The following LPP variants were observed in gnomAD, a reference collection of about 807,000 sequenced individuals.
LPP encodes the protein LIM domain containing preferred translocation partner in lipoma, also known as lipoma-preferred partner.
A neutral mutation model predicts 60.4 loss-of-function variants in LPP; 38 were observed. The observed-to-expected ratio is 0.63, with a 90% CI of 0.49 to 0.83. LPP has a LOEUF of 0.83. LPP is among the 40% of genes least tolerant of loss of function. The pLI is 0.00. For synonymous variants in LPP, 328 were observed against 290.8 expected (o/e 1.13, Z -1.30); for missense variants, 902 against 783.6 (o/e 1.15, Z -1.80).
intron 2 of LPP, among the ~76,000 whole-genome samples, chr3:188,326,224 G>A (rs748217942): frequency 1.3e-5 from 2 of 152,176 alleles, no homozygotes; most frequent in African/African-American, 2.4e-5. Flanking sequence ...TTCTTTGTGC[G>A]CACGCTGGTG....
intron 6 of LPP, among the ~76,000 whole-genome samples, chr3:188,540,427 C>A (rs1264571375): frequency 5.9e-5 from 9 of 151,960 alleles, no homozygotes; most frequent in Non-Finnish European, 1.2e-4. Flanking sequence ...ATTTAAAGAC[C>A]AAGTTCATGT....
rs138341639 is a variant in LPP at position 188,584,032 on chromosome 3, A to G, written c.430-25129A>G. Among the ~76,000 whole-genome samples, 95 of 152,258 alleles carry G rather than the reference A, an allele frequency of 6.2e-4. No individual in the cohort carries two copies. The East Asian group carries it at 0.016, about 26-fold the overall frequency. ...TCCCCCATAATCCTACAAATGTACT[A>G]TAGATATGTGTAAGTACTACATCCC... On this transcript the variant is annotated intron_variant, in intron 6 of 11. Transcript: ENST00000617246.
chr3:188,589,312 T>C (rs6784687), intron 6 of LPP, among the ~76,000 whole-genome samples: 144,981 of 152,238 alleles, frequency 0.95, 69,439 homozygotes, highest in East Asian at 1. Context: ...GTTCCTCTTA[T>C]TGAGTTTCTT....
At chr3:188,614,013 C>T (rs1398603145) in intron 7 of LPP, among the ~76,000 whole-genome samples, 1 of 151,586 alleles carries the variant, frequency 6.6e-6, no homozygotes, top group Non-Finnish European at 1.5e-5. Flanking sequence ...CTGCAACCTC[C>T]ACCTCCCGGG....
At chr3:188,739,031 AAATGCCTCAAGAT>A (rs1723499651) in intron 8 of LPP, among the ~76,000 whole-genome samples, 1 of 152,156 alleles carries the variant, frequency 6.6e-6, no homozygotes, top group South Asian at 2.1e-4. Context: ...TCTACTGTAA[AAATGCCTCAAGAT>A]CTTGTAGGTG....
At chr3:188,510,290 A>G (rs1446608040) in intron 5 of LPP, among the ~76,000 whole-genome samples, 3 of 152,162 alleles carry the variant, frequency 2.0e-5, no homozygotes, top group Admixed American at 6.5e-5. Context: ...GTTGCATTGT[A>G]TTCCCTGGGT....
At chr3:188,611,758 TGA>T (rs1366180084) in intron 7 of LPP, among the ~76,000 whole-genome samples, 1 of 152,212 alleles carries the variant, frequency 6.6e-6, no homozygotes, top group Non-Finnish European at 1.5e-5. Context: ...ACTCACCTGG[TGA>T]GAGGTACTGA....
chr3:188,305,256 C>G (rs550090797), intron 2 of LPP, among the ~76,000 whole-genome samples: 147 of 152,162 alleles, frequency 9.7e-4, no homozygotes, highest in African/African-American at 3.4e-3. Flanking sequence ...TCAGTGTTAC[C>G]TTGATTTCAG....
chr3:188,318,189 A>C (rs2150348225), intron 2 of LPP, among the ~76,000 whole-genome samples: 1 of 152,294 alleles, frequency 6.6e-6, no homozygotes, highest in Admixed American at 6.5e-5. Flanking sequence ...TGCTCACAGC[A>C]CTTAAAAAAT....
chr3:188,640,718 ATT>A (rs201597033), intron 7 of LPP, among the ~76,000 whole-genome samples: 2 of 147,440 alleles, frequency 1.4e-5, no homozygotes, highest in African/African-American at 5.0e-5. Flanking sequence ...CTCTTTTGGA[ATT>A]TTTTTTTTTT....
intron 6 of LPP, chr3:188,554,209 G>C (rs1310431277): frequency 6.6e-6 from 1 of 152,032 alleles, no homozygotes; most frequent in Non-Finnish European, 1.5e-5. Flanking sequence ...TGTTTCTTCT[G>C]TGTTGTAGTT....
At position 188,217,126 on chromosome 3, in the gene LPP, A is replaced by G. The variant is rs1713953199; in HGVS notation, c.-189-8279A>G. Among the ~76,000 whole-genome samples, 1 of 152,182 alleles carries G rather than the reference A, an allele frequency of 6.6e-6. No individual in the cohort carries two copies. Among genetic ancestry groups the G allele is most frequent in the Non-Finnish European group, 1.5e-5 (1 of 68,034 alleles). ...AGGAACACTTAAACAAGAGGGACTG[A>G]TAAGTAACCCAAGGGAGGAGTCACA... On this transcript the variant is annotated intron_variant, in intron 1 of 11. Transcript: ENST00000617246. This position sits in a 1 kb window ranked among gnomAD's most constrained non-coding sequence, Gnocchi z 4.0.
chr3:188,813,921 A>ACATT (rs1751762476), intron 9 of LPP, among the ~76,000 whole-genome samples: 1 of 152,038 alleles, frequency 6.6e-6, no homozygotes, highest in African/African-American at 2.4e-5. Context: ...AACACAAAAA[A>ACATT]ATTAGGTAGG....
chr3:188,499,076 A>C (rs1280737767), intron 5 of LPP, among the ~76,000 whole-genome samples: 1 of 152,118 alleles, frequency 6.6e-6, no homozygotes, highest in Non-Finnish European at 1.5e-5. Context: ...TGATTTGATA[A>C]TACTTTCTCC....
intron 1 of LPP, among the ~76,000 whole-genome samples, chr3:188,223,464 T>G (rs1474368412): frequency 1.3e-5 from 2 of 152,244 alleles, no homozygotes; most frequent in Admixed American, 6.5e-5. Flanking sequence ...GCTAATGGTT[T>G]GTTTGCATGG....
At chr3:188,747,028 G>A (rs1290546315) in intron 8 of LPP, among the ~76,000 whole-genome samples, 7 of 152,038 alleles carry the variant, frequency 4.6e-5, no homozygotes, top group Non-Finnish European at 7.4e-5. Flanking sequence ...AGACTAGGAC[G>A]GTCCTTAGAA....
At chr3:188,278,478 T>G (rs2149880879) in intron 2 of LPP, among the ~76,000 whole-genome samples, 1 of 152,314 alleles carries the variant, frequency 6.6e-6, no homozygotes, top group African/African-American at 2.4e-5. Context: ...TCTTCTGACC[T>G]CTCTGATTCT....
chr3:188,406,298 C>T lies in LPP; in HGVS notation c.178C>T (p.Gln60Ter), dbSNP rs775448370. ...AAAACCTAAGTACAACCCATACAAACAACCTGGAGGTGAGGGTAAGTGCTG... is the reference window on the plus strand; with the variant it reads ...AAAACCTAAGTACAACCCATACAAATAACCTGGAGGTGAGGGTAAGTGCTG... Reference protein sequence around the residue: ...APKPKYNPYKQPGGEGDFLPP... With the variant: ...APKPKYNPYK The change falls in exon 4 of 12, where the codon CAA becomes TAA. Residue 60 changes from glutamine to a stop codon, truncating the protein, a stop_gained. Transcript: ENST00000617246. LOFTEE classifies it high-confidence loss of function. 1 of 1,613,880 alleles carries T rather than the reference C, an allele frequency of 6.2e-7. No homozygotes were observed. The highest frequency in any genetic ancestry group is 8.5e-7 in the Non-Finnish European group (1 of 1,179,956).
intron 4 of LPP, among the ~76,000 whole-genome samples, chr3:188,412,425 T>C (rs576286415): frequency 6.6e-6 from 1 of 152,322 alleles, no homozygotes; most frequent in Non-Finnish European, 1.5e-5. Flanking sequence ...ATTTAGCAGT[T>C]GCATGTTCAT....
Sources: gnomAD v4.1 joint callset for allele counts (sites outside exome capture counted in the v4.1 genomes callset) on GRCh38, gnomAD v4.1.1 for gene constraint, Gnocchi (gnomAD v3.1) non-coding constraint, MANE v1.5 for transcripts, NCBI Gene and HGNC (gene_info 2026-07-23, HGNC 2026-07-21) for gene names.